The following MAGI1 variants were observed in gnomAD, a reference collection of about 807,000 sequenced individuals.
The protein encoded by MAGI1 is membrane associated guanylate kinase, WW and PDZ domain containing 1.
Under a neutral mutation model 139.9 loss-of-function variants are expected in MAGI1, and 58 were observed. The ratio of observed to expected loss-of-function variants is 0.41; its 90% CI spans 0.34 to 0.52. MAGI1 has a LOEUF of 0.52. Among genes scored for constraint, MAGI1 ranks in the 20% least tolerant of loss-of-function variants. The probability of loss-of-function intolerance (pLI) is 0.12; values close to 1 mark genes in which losing one functional copy is unlikely to be tolerated. For synonymous variants in MAGI1, 812 were observed against 737.9 expected (o/e 1.10, Z -1.63); for missense variants, 1,874 against 1,901.6 (o/e 0.99, Z 0.27).
Position 65,846,446 on chromosome 3 carries a change from T to C in MAGI1, c.313+191550A>G, listed in dbSNP as rs188687356. On this transcript the variant is annotated intron_variant, in intron 1 of 22. Transcript: ENST00000402939. ...ACCTTAGTAAGTTACTTAGCTACTC[T>C]AACCACACTTCATTTGTAAAACAGG... 2.0e-5 allele frequency among the ~76,000 whole-genome samples: 3 copies of C among 152,360 alleles called. No individual in the cohort carries two copies. In the East Asian group the frequency reaches 5.8e-4, roughly 29 times the overall value.
At chr3:65,418,016 G>A (rs1026077920) in intron 12 of MAGI1, among the ~76,000 whole-genome samples, 1 of 152,078 alleles carries the variant, frequency 6.6e-6, no homozygotes, top group Admixed American at 6.6e-5. Context: ...TTGGAGAAAG[G>A]GGGCAGGTAT....
rs998558099 is a variant in MAGI1, at chr3:66,027,332, C to A, written c.313+10664G>T. On this transcript the variant is annotated intron_variant, in intron 1 of 22. Coordinates refer to ENST00000402939, the MANE Select transcript of MAGI1 (RefSeq NM_001033057.2). Reference sequence around the variant, plus strand: ...AATAAATAATAAAAAAAGAGAGGGTCTTTCTCTGTCACCCAGGGTGGAGTG... The same window carrying A: ...AATAAATAATAAAAAAAGAGAGGGTATTTCTCTGTCACCCAGGGTGGAGTG... 4.6e-5 allele frequency among the ~76,000 whole-genome samples: 7 copies of A among 151,848 alleles called. No individual in the cohort carries two copies. The East Asian group carries it at 1.4e-3, about 30-fold the overall frequency.
intron 1 of MAGI1, among the ~76,000 whole-genome samples, chr3:65,700,700 C>A (rs7625104): frequency 0.4 from 61,213 of 151,818 alleles, 12,739 homozygotes; most frequent in African/African-American, 0.5. Context: ...AGGGATCAAC[C>A]AATTAAAAAA....
intron 1 of MAGI1, among the ~76,000 whole-genome samples, chr3:65,651,631 A>C (rs775346765): frequency 1.3e-5 from 2 of 152,134 alleles, no homozygotes; most frequent in Non-Finnish European, 2.9e-5. Flanking sequence ...GTCAATTGTC[A>C]AATTATTTGT....
At chr3:65,445,695 C>G (rs1948634226) in intron 7 of MAGI1, among the ~76,000 whole-genome samples, 1 of 152,142 alleles carries the variant, frequency 6.6e-6, no homozygotes, top group Non-Finnish European at 1.5e-5. Context: ...GGGGAGATGT[C>G]TGCAGAGGAC....
rs141759526 is a variant in MAGI1 at position 65,941,987 on chromosome 3, G to A, written c.313+96009C>T. Reference sequence around the variant, plus strand: ...TTTTTGTAGAGACAGGGGTTTCGCCGTGTTGCCCAGGTTGGTCTTGAACTC... The same window carrying A: ...TTTTTGTAGAGACAGGGGTTTCGCCATGTTGCCCAGGTTGGTCTTGAACTC... On this transcript the variant is annotated intron_variant, in intron 1 of 22. Coordinates refer to ENST00000402939, the MANE Select transcript of MAGI1 (RefSeq NM_001033057.2). 8.7e-3 allele frequency among the ~76,000 whole-genome samples: 1,323 copies of A among 152,182 alleles called. 21 individuals are homozygous for A. Among genetic ancestry groups the A allele is most frequent in the African/African-American group, 0.03 (1,257 of 41,518 alleles).
At chr3:65,768,974 A>ATT (rs1337863467) in intron 1 of MAGI1, among the ~76,000 whole-genome samples, 1 of 152,210 alleles carries the variant, frequency 6.6e-6, no homozygotes, top group Non-Finnish European at 1.5e-5. Context: ...ACCTAGTGCT[A>ATT]AGAAACTCCT....
At chr3:65,796,050 CAAAAAAAAA>C (rs35663778) in intron 1 of MAGI1, among the ~76,000 whole-genome samples, 4 of 103,048 alleles carry the variant, frequency 3.9e-5, no homozygotes, top group Admixed American at 9.7e-5. Flanking sequence ...GACTCTGTCT[CAAAAAAAAA>C]AAAAAAAAAA....
chr3:65,484,577 G>A (rs1025712856), intron 3 of MAGI1, among the ~76,000 whole-genome samples: 1 of 152,064 alleles, frequency 6.6e-6, no homozygotes, highest in Non-Finnish European at 1.5e-5. Flanking sequence ...TTTTGCCTTG[G>A]CCTCACGGTC....
At chr3:65,640,409 C>T (rs1252105922) in intron 1 of MAGI1, among the ~76,000 whole-genome samples, 2 of 152,136 alleles carry the variant, frequency 1.3e-5, no homozygotes, top group African/African-American at 4.8e-5. Context: ...CCCCAGAGGC[C>T]TCTCCTGTTC....
chr3:65,375,528 C>G (rs13321366), intron 18 of MAGI1, among the ~76,000 whole-genome samples: 27,587 of 152,000 alleles, frequency 0.18, 3,805 homozygotes, highest in East Asian at 0.46. Context: ...CACAGGGCTA[C>G]AGGATTAATT....
intron 1 of MAGI1, among the ~76,000 whole-genome samples, chr3:65,839,893 T>C (rs1434328289): frequency 1.3e-5 from 2 of 152,242 alleles, no homozygotes; most frequent in Non-Finnish European, 2.9e-5. Flanking sequence ...CTTCAATATA[T>C]GCAATGAGGT....
At position 65,440,333 on chromosome 3, in the gene MAGI1, C is replaced by T. The variant is rs1948190778; in HGVS notation, c.1137-321G>A. ...GTGTCTGGGCAGTTAAATACTTCAT[C>T]TAGCATAATATAGCTAGTAAGCAGG... On this transcript the variant is annotated intron_variant, in intron 8 of 22. Coordinates refer to ENST00000402939, the MANE Select transcript of MAGI1 (RefSeq NM_001033057.2). Among the ~76,000 whole-genome samples, 3 of 152,062 alleles carry T rather than the reference C, an allele frequency of 2.0e-5. No individual in the cohort carries two copies. In the East Asian group the frequency reaches 5.8e-4, roughly 29 times the overall value.
At chr3:65,366,953 G>A (rs3816731) in intron 18 of MAGI1, among the ~76,000 whole-genome samples, 12,234 of 152,244 alleles carry the variant, frequency 0.08, 1,050 homozygotes, top group African/African-American at 0.21. Context: ...CAGAACCAAG[G>A]TGATGAATCA....
chr3:65,745,996 C>T (rs1393686205), intron 1 of MAGI1, among the ~76,000 whole-genome samples: 1 of 152,090 alleles, frequency 6.6e-6, no homozygotes, highest in Non-Finnish European at 1.5e-5. Context: ...TCCCAAAGTG[C>T]TGGGATTGCA....
At chr3:65,745,086 C>G (rs900453073) in intron 1 of MAGI1, among the ~76,000 whole-genome samples, 3 of 152,026 alleles carry the variant, frequency 2.0e-5, no homozygotes. Flanking sequence ...GCATATTTAA[C>G]TTAGCATAAT....
intron 2 of MAGI1, among the ~76,000 whole-genome samples, chr3:65,611,420 T>C (rs2083101943): frequency 6.9e-6 from 1 of 144,608 alleles, no homozygotes. Flanking sequence ...ATAGTATGTA[T>C]GTATACTGTA....
At chr3:65,743,020 T>C (rs1245948792) in intron 1 of MAGI1, among the ~76,000 whole-genome samples, 2 of 151,972 alleles carry the variant, frequency 1.3e-5, no homozygotes, top group East Asian at 1.9e-4. Flanking sequence ...ATTCTATCAA[T>C]TGCTTAAAAA....
chr3:65,906,995 T>C (rs1440970888), intron 1 of MAGI1, among the ~76,000 whole-genome samples: 5 of 151,378 alleles, frequency 3.3e-5, no homozygotes, highest in Admixed American at 3.3e-4. Flanking sequence ...AAATGAGATT[T>C]CCCTTTTGTC....
Sources: gnomAD v4.1 joint callset for allele counts (sites outside exome capture counted in the v4.1 genomes callset) on GRCh38, gnomAD v4.1.1 for gene constraint, MANE v1.5 for transcripts, NCBI Gene and HGNC (gene_info 2026-07-23, HGNC 2026-07-21) for gene names.